APLP2: variants seen among roughly 807,000 people sequenced by gnomAD.
APLP2 encodes amyloid beta precursor like protein 2.
Under a neutral mutation model 89.9 loss-of-function variants are expected in APLP2, and 53 were observed. That is an observed-to-expected ratio of 0.59 (90% CI 0.47 to 0.74). The LOEUF (loss-of-function observed/expected upper bound fraction) is 0.74. Among genes scored for constraint, APLP2 ranks in the 30% least tolerant of loss-of-function variants. The probability of loss-of-function intolerance (pLI) is 0.00; values close to 1 mark genes in which losing one functional copy is unlikely to be tolerated. For synonymous variants in APLP2, 372 were observed against 348.6 expected (o/e 1.07, Z -0.75); for missense variants, 973 against 975.9 (o/e 1.00, Z 0.04).
chr11:130,143,515 C>G lies in APLP2; in HGVS notation c.*67C>G. 1 of 1,383,886 alleles carries G rather than the reference C, an allele frequency of 7.2e-7. No homozygotes were observed. Among genetic ancestry groups the G allele is most frequent in the Non-Finnish European group, 1.0e-6 (1 of 975,458 alleles). The allele number at this position is 1,383,886 out of a possible 1,614,324, so 85.7% of individuals were successfully genotyped here. A position where few individuals can be genotyped will look rare whatever the true frequency, so the allele number is the denominator to read the frequency against. ...GGCCGGAAGATCCCACGATTCCGAT[C>G]GACTGCCAAGCAGCAGCCGCTGCCA... On this transcript the variant is annotated 3_prime_UTR_variant, in exon 17 of 17. Transcript: ENST00000338167.
chr11:130,103,803 G>A (rs549316322), intron 1 of APLP2, among the ~76,000 whole-genome samples: 152 of 152,264 alleles, frequency 1.0e-3, no homozygotes, highest in African/African-American at 3.4e-3. Context: ...CTGAACTGCT[G>A]ACAGATTAAA....
intron 9 of APLP2, 56 bp from the exon 10 acceptor site, chr11:130,128,992 C>T: frequency 6.4e-7 from 1 of 1,570,236 alleles, no homozygotes; most frequent in Non-Finnish European, 8.7e-7. Context: ...AGGGTGCTTG[C>T]TTAGGCTTCC....
chr11:130,072,416 G>A (rs1373075459), intron 1 of APLP2, among the ~76,000 whole-genome samples: 1 of 152,110 alleles, frequency 6.6e-6, no homozygotes, highest in East Asian at 1.9e-4. Context: ...GGTGGTATGG[G>A]AGATGTGTAA....
chr11:130,070,580 T>A, intron 1 of APLP2: 1 of 1,311,066 alleles, frequency 7.6e-7, no homozygotes, highest in Non-Finnish European at 9.7e-7. Flanking sequence ...TGTTGCCAGG[T>A]GGACGCGGCC....
intron 1 of APLP2, among the ~76,000 whole-genome samples, chr11:130,100,966 T>C (rs956797366): frequency 6.6e-6 from 1 of 152,224 alleles, no homozygotes; most frequent in Non-Finnish European, 1.5e-5. Flanking sequence ...TATTAGATAG[T>C]GGTTTGAAGC....
rs570681858 is a variant in APLP2 at position 130,085,439 on chromosome 11, G to A, written c.105+15357G>A. Among the ~76,000 whole-genome samples the A allele has an allele frequency of 6.7e-5, 10 of 148,188 alleles. No individual in the cohort carries two copies. The East Asian group carries it at 1.2e-3, about 17-fold the overall frequency. On this transcript the variant is annotated intron_variant, in intron 1 of 16. Transcript: ENST00000338167. ...TGAACTCCAGTCTGGGCAACAGAGC[G>A]AGACTCCATCTCAAAAAAAAAACCA...
At chr11:130,085,942 G>T (rs960703961) in intron 1 of APLP2, among the ~76,000 whole-genome samples, 2 of 152,182 alleles carry the variant, frequency 1.3e-5, no homozygotes, top group African/African-American at 4.8e-5. Context: ...TCATTCATCT[G>T]TTAATGGGCA....
At position 130,085,591 on chromosome 11, in the gene APLP2, T is replaced by G. The variant is rs78980582; in HGVS notation, c.105+15509T>G. ...ATCCTTCTCATAGTCTTCCAAAATA[T>G]TGAAGAGGGAACATTTTCATTTTAA... On this transcript the variant is annotated intron_variant, in intron 1 of 16. Coordinates refer to ENST00000338167, the MANE Select transcript of APLP2 (RefSeq NM_001142276.2). Among the ~76,000 whole-genome samples the G allele has an allele frequency of 2.5e-3, 374 of 152,346 alleles. 4 individuals are homozygous for G. In the East Asian group the frequency reaches 0.035, roughly 14 times the overall value.
intron 1 of APLP2, among the ~76,000 whole-genome samples, chr11:130,091,245 CGG>C (rs1945065794): frequency 1.8e-4 from 13 of 72,934 alleles, no homozygotes; most frequent in East Asian, 4.8e-4. Context: ...CCCTCCCGCA[CGG>C]GGCGGCTGGC....
intron 9 of APLP2, 81 bp downstream of exon 9, chr11:130,127,921 G>A (rs1252366091): frequency 5.8e-6 from 7 of 1,215,588 alleles, no homozygotes; most frequent in Non-Finnish European, 8.3e-6. Flanking sequence ...AACGAAATTA[G>A]GATTGGACAC....
intron 8 of APLP2, 80 bp downstream of exon 8, chr11:130,126,910 C>A: frequency 6.3e-7 from 1 of 1,577,930 alleles, no homozygotes; most frequent in Non-Finnish European, 8.7e-7. Context: ...AAAGTAATAG[C>A]TTCTCCCTAG....
chr11:130,096,909 T>C (rs1345972282), intron 1 of APLP2, among the ~76,000 whole-genome samples: 3 of 152,222 alleles, frequency 2.0e-5, no homozygotes, highest in African/African-American at 7.2e-5. Context: ...CAGCAAGCAG[T>C]AAATATACTG....
chr11:130,129,249 G>A lies in APLP2; in HGVS notation c.1455+43G>A, dbSNP rs748170242. ...CACTGCCTGCCCTGAGGTGGTATATGTAGGGGACCAATGTATGACACTCAG... is the reference window on the plus strand; with the variant it reads ...CACTGCCTGCCCTGAGGTGGTATATATAGGGGACCAATGTATGACACTCAG... On this transcript the variant is annotated intron_variant, in intron 10 of 16. Transcript: ENST00000338167. 3.8e-5 allele frequency: 60 copies of A among 1,569,842 alleles called. No homozygotes were observed. The Middle Eastern group carries it at 1.4e-3, about 36-fold the overall frequency.
rs1222416785 is a variant in APLP2, at chr11:130,123,790, C to T, written c.1090+11C>T. On this transcript the variant is annotated intron_variant, in intron 7 of 16. Transcript: ENST00000338167. The surrounding 1 kb of genome is among the most constrained non-coding windows in gnomAD (Gnocchi z 4.0). ...TGTGTAAAGCGATGAGTAAGTCCTG[C>T]CTCGCGCTGGTCCCGTGCGGCAGCA... 7 of 1,613,066 alleles carry T rather than the reference C, an allele frequency of 4.3e-6. No individual in the cohort carries two copies. The highest frequency in any genetic ancestry group is 5.9e-6 in the Non-Finnish European group (7 of 1,179,430).
chr11:130,129,006 G>A (rs761018002), intron 9 of APLP2, 42 bp from the exon 10 acceptor site: 13 of 1,586,534 alleles, frequency 8.2e-6, no homozygotes, highest in South Asian at 4.6e-5. Context: ...GGCTTCCTCT[G>A]GGTGCCACAA....
At position 130,141,967 on chromosome 11, in the gene APLP2, C is replaced by G. The variant is rs190347638; in HGVS notation, c.2047C>G (p.Leu683Val). ...GGACTTCAGTCTGAGTAGCAGTGCTCTCATTGGCCTGCTGGTCATCGCAGT... is the reference window on the plus strand; with the variant it reads ...GGACTTCAGTCTGAGTAGCAGTGCTGTCATTGGCCTGCTGGTCATCGCAGT... ...REDFSLSSSA[L>V]IGLLVIAVAI... The change falls in exon 16 of 17, where the codon CTC becomes GTC. Residue 683 changes from leucine (L) to valine (V), a missense_variant. By Grantham distance (32) the Leu-to-Val change is conservative. Coordinates refer to ENST00000338167, the MANE Select transcript of APLP2 (RefSeq NM_001142276.2). This position sits in a 1 kb window ranked among gnomAD's most constrained non-coding sequence, Gnocchi z 4.2. The G allele has an allele frequency of 2.5e-5, 40 of 1,613,992 alleles. No individual in the cohort carries two copies. Among genetic ancestry groups the G allele is most frequent in the Middle Eastern group, 3.3e-4 (2 of 6,068 alleles).
chr11:130,087,944 TC>T (rs1302839419), intron 1 of APLP2, among the ~76,000 whole-genome samples: 1 of 152,176 alleles, frequency 6.6e-6, no homozygotes, highest in Non-Finnish European at 1.5e-5. Flanking sequence ...GGAATAGTAT[TC>T]AGGACAGATT....
Position 130,109,410 on chromosome 11 carries a change from A to AT in APLP2, c.106-12dup. On this transcript the variant is annotated intron_variant, in intron 1 of 16. Coordinates refer to ENST00000338167, the MANE Select transcript of APLP2 (RefSeq NM_001142276.2). ...CTAGCCTTCTTGGAGTAAACCTGCA[A>AT]TTTTTTTCCCTTTGGTAGGCTCTTG... The AT allele has an allele frequency of 6.2e-7, 1 of 1,602,498 alleles. No individual in the cohort carries two copies. The highest frequency in any genetic ancestry group is 8.5e-7 in the Non-Finnish European group (1 of 1,174,736).
intron 1 of APLP2, among the ~76,000 whole-genome samples, chr11:130,085,310 AG>A (rs1943932056): frequency 6.6e-6 from 1 of 152,134 alleles, no homozygotes; most frequent in Non-Finnish European, 1.5e-5. Context: ...AAATTAGCCA[AG>A]CATGGTGGTA....
Sources: allele counts gnomAD v4.1 joint callset (sites outside exome capture counted in the v4.1 genomes callset), GRCh38; gene constraint gnomAD v4.1.1; non-coding constraint Gnocchi (gnomAD v3.1); transcripts MANE v1.5; gene names NCBI Gene and HGNC (gene_info 2026-07-23, HGNC 2026-07-21).